RARB: variants seen among roughly 807,000 people sequenced by gnomAD.
RARB encodes retinoic acid receptor beta.
In RARB, 17 loss-of-function variants were observed where a neutral mutation model predicts 51.9. The observed-to-expected ratio is 0.33, with a 90% CI of 0.22 to 0.49. RARB has a LOEUF of 0.49. Among genes scored for constraint, RARB ranks in the 20% least tolerant of loss-of-function variants. RARB has a pLI of 0.99. For synonymous variants in RARB, 215 were observed against 195.4 expected (o/e 1.10, Z -0.84); for missense variants, 369 against 550.8 (o/e 0.67, Z 3.30).
chr3:25,053,037 T>A (rs1237573432), intron 2 of RARB, among the ~76,000 whole-genome samples: 1 of 152,040 alleles, frequency 6.6e-6, no homozygotes, highest in Non-Finnish European at 1.5e-5. Context: ...GAGATGTGAG[T>A]TCAGAGTGAA....
chr3:25,281,273 G>A (rs936775791), intron 5 of RARB, among the ~76,000 whole-genome samples: 10 of 152,256 alleles, frequency 6.6e-5, no homozygotes, highest in East Asian at 1.9e-4. Context: ...GGGCCATCTC[G>A]TCTATTGAAA....
At chr3:25,182,429 C>T (rs561310746) in intron 5 of RARB, among the ~76,000 whole-genome samples, 4 of 152,242 alleles carry the variant, frequency 2.6e-5, no homozygotes, top group African/African-American at 9.6e-5. Context: ...TCTTGGAAGG[C>T]ATATGGGGTT....
At chr3:24,861,173 T>C (rs1239401164) in intron 2 of RARB, among the ~76,000 whole-genome samples, 1 of 152,204 alleles carries the variant, frequency 6.6e-6, no homozygotes, top group Non-Finnish European at 1.5e-5. Flanking sequence ...CCGGTCATTA[T>C]TCCCTAAATA....
intron 3 of RARB, among the ~76,000 whole-genome samples, chr3:25,569,025 T>C (rs538829273): frequency 1.3e-5 from 2 of 152,344 alleles, no homozygotes; most frequent in East Asian, 3.9e-4. Flanking sequence ...GCTCGGAGCA[T>C]GCAGAGGGAA....
intron 5 of RARB, chr3:25,259,027 G>A: frequency 1.0e-6 from 1 of 985,274 alleles, no homozygotes; most frequent in Admixed American, 6.2e-5. Context: ...GACTGCTTCT[G>A]ATATTAGTAG....
chr3:25,371,425 G>A (rs1386860560), intron 5 of RARB, among the ~76,000 whole-genome samples: 1 of 152,212 alleles, frequency 6.6e-6, no homozygotes, highest in African/African-American at 2.4e-5. Flanking sequence ...GATGGTGCTG[G>A]CAGGTCAAGC....
intron 2 of RARB, among the ~76,000 whole-genome samples, chr3:24,860,528 G>A (rs1702731027): frequency 6.6e-6 from 1 of 152,004 alleles, no homozygotes; most frequent in Admixed American, 6.6e-5. Flanking sequence ...CTCAGTGTAG[G>A]CAAACTCAAG....
chr3:24,895,772 G>A (rs554109788), intron 2 of RARB, among the ~76,000 whole-genome samples: 1 of 152,168 alleles, frequency 6.6e-6, no homozygotes, highest in East Asian at 1.9e-4. Flanking sequence ...ATTGCTGGTA[G>A]GAATACAAAA....
chr3:25,044,758 T>C (rs948579550), intron 2 of RARB, among the ~76,000 whole-genome samples: 1 of 152,218 alleles, frequency 6.6e-6, no homozygotes, highest in African/African-American at 2.4e-5. Context: ...ACTGAAAGAT[T>C]CCACAACCAA....
chr3:25,210,871 C>T (rs1388915013), intron 5 of RARB, among the ~76,000 whole-genome samples: 1 of 152,132 alleles, frequency 6.6e-6, no homozygotes, highest in East Asian at 1.9e-4. Flanking sequence ...TTTACTGACT[C>T]TTGCTCTAGA....
At chr3:25,498,117 C>T (rs1053593924) in intron 2 of RARB, among the ~76,000 whole-genome samples, 9 of 152,090 alleles carry the variant, frequency 5.9e-5, no homozygotes, top group Admixed American at 5.2e-4. Context: ...TCATGAGTAC[C>T]TTCTAATATT....
At chr3:25,410,637 A>G (rs1454439185) in intron 5 of RARB, among the ~76,000 whole-genome samples, 2 of 152,198 alleles carry the variant, frequency 1.3e-5, no homozygotes, top group Non-Finnish European at 2.9e-5. Flanking sequence ...GGGGGTGTCT[A>G]AGCAGAAATT....
Position 24,969,854 on chromosome 3 carries a change from G to A in RARB, c.-379-90271G>A, listed in dbSNP as rs535167368. Among the ~76,000 whole-genome samples, 3 of 152,148 alleles carry A rather than the reference G, an allele frequency of 2.0e-5. No individual in the cohort carries two copies. The East Asian group carries it at 5.8e-4, about 29-fold the overall frequency. On this transcript the variant is annotated intron_variant, in intron 2 of 11. Coordinates refer to the RARB transcript ENST00000383772. ...AGTTTCATTGTTAAATATACTTTTA[G>A]CTATGTATTTCCTTCTCCGTCAAAC...
chr3:25,552,731 A>C (rs1699897882), intron 3 of RARB, among the ~76,000 whole-genome samples: 1 of 111,746 alleles, frequency 8.9e-6, no homozygotes, highest in African/African-American at 5.0e-5. Flanking sequence ...AGGTAATGAA[A>C]GAAAGAATTT....
At chr3:25,144,874 G>T (rs772681208) in intron 4 of RARB, among the ~76,000 whole-genome samples, 81 of 152,202 alleles carry the variant, frequency 5.3e-4, no homozygotes, top group Admixed American at 4.6e-4. Flanking sequence ...TGGTGGAGTG[G>T]TGTGATGGCA....
chr3:25,559,739 C>T (rs571417417), intron 3 of RARB, among the ~76,000 whole-genome samples: 58 of 151,364 alleles, frequency 3.8e-4, no homozygotes, highest in African/African-American at 1.3e-3. Context: ...GATAGATAGA[C>T]AGACAGACAA....
intron 5 of RARB, among the ~76,000 whole-genome samples, chr3:25,345,427 G>A (rs1172319957): frequency 3.9e-5 from 6 of 152,144 alleles, no homozygotes; most frequent in Admixed American, 3.9e-4. Context: ...AGCACTTTGG[G>A]AGGCTGAGGT....
At chr3:25,511,771 A>G (rs1201217686) in intron 3 of RARB, among the ~76,000 whole-genome samples, 1 of 152,194 alleles carries the variant, frequency 6.6e-6, no homozygotes, top group Non-Finnish European at 1.5e-5. Context: ...CCTGCCGCTA[A>G]CCCTTCCTCA....
At chr3:25,413,463 A>G (rs1176004407) in intron 5 of RARB, among the ~76,000 whole-genome samples, 1 of 152,174 alleles carries the variant, frequency 6.6e-6, no homozygotes, top group Non-Finnish European at 1.5e-5. Context: ...TTACATGAAC[A>G]TATGTATGCA....
Sources: gnomAD v4.1 joint callset for allele counts (sites outside exome capture counted in the v4.1 genomes callset) on GRCh38, gnomAD v4.1.1 for gene constraint, MANE v1.5 for transcripts, NCBI Gene and HGNC (gene_info 2026-07-23, HGNC 2026-07-21) for gene names.